The following NAP1L1 variants were observed in gnomAD, a reference collection of about 807,000 sequenced individuals.
NAP1L1 encodes nucleosome assembly protein 1 like 1, also known as nucleosome assembly protein 1-like 1.
A neutral mutation model predicts 58.9 loss-of-function variants in NAP1L1; 9 were observed. That is an observed-to-expected ratio of 0.15 (90% confidence interval 0.09 to 0.27). The LOEUF is 0.27. NAP1L1 is among the 10% of genes least tolerant of loss of function. The pLI is 1.00. For synonymous variants in NAP1L1, 130 were observed against 138.3 expected, an observed-to-expected ratio of 0.94 and a Z score of 0.42; for missense variants, 302 against 458.8, an observed-to-expected ratio of 0.66 and a Z score of 3.12.
intron 1 of NAP1L1, among the ~76,000 whole-genome samples, chr12:76,083,172 C>A (rs1950472591): frequency 6.6e-6 from 1 of 152,098 alleles, no homozygotes. Flanking sequence ...ATCTTTAGGG[C>A]AGTAGGGTTC....
Position 76,040,755 on chromosome 12 carries a change from G to A in NAP1L1, c.*7674C>T, listed in dbSNP as rs953429544. ...GTTTTGTATTTTTAGTAGAGGCAGGGTTTCTCCATATTAGCCAGGCTGGTC... is the reference window on the plus strand; with the variant it reads ...GTTTTGTATTTTTAGTAGAGGCAGGATTTCTCCATATTAGCCAGGCTGGTC... On this transcript the variant is annotated 3_prime_UTR_variant, in exon 15 of 15. Coordinates refer to ENST00000618691, the MANE Select transcript of NAP1L1 (RefSeq NM_004537.7). 1.3e-5 allele frequency: 2 copies of A among 152,228 alleles called. No individual in the cohort carries two copies. Among genetic ancestry groups the A allele is most frequent in the Admixed American group, 1.3e-4 (2 of 15,280 alleles). The allele number at this position is 152,228 out of a possible 1,614,324, so 9.4% of individuals were successfully genotyped here.
At chr12:76,059,282 C>T (rs1463713940) in intron 6 of NAP1L1, among the ~76,000 whole-genome samples, 3 of 152,004 alleles carry the variant, frequency 2.0e-5, no homozygotes, top group Non-Finnish European at 4.4e-5. Context: ...GTGGGGGCAC[C>T]CCAGATACAT....
At chr12:76,061,143 G>A in intron 4 of NAP1L1, 1 of 297,978 alleles carries the variant, frequency 3.4e-6, no homozygotes, top group South Asian at 2.6e-5. Flanking sequence ...ACCATACAAT[G>A]AACTGTGAAG....
chr12:76,067,758 C>A (rs1381975723), intron 3 of NAP1L1, among the ~76,000 whole-genome samples: 1 of 152,176 alleles, frequency 6.6e-6, no homozygotes, highest in African/African-American at 2.4e-5. Context: ...CTGTGTTTCA[C>A]CCACCTTGCA....
chr12:76,048,294 T>C lies in NAP1L1; in HGVS notation c.*135A>G, dbSNP rs1948667746. 3 of 921,808 alleles carry C rather than the reference T, an allele frequency of 3.3e-6. No homozygotes were observed. Among genetic ancestry groups the C allele is most frequent in the Non-Finnish European group, 4.9e-6 (3 of 609,354 alleles). 57.1% of individuals were successfully genotyped at this position (921,808 alleles called of 1,614,324 possible). On this transcript the variant is annotated 3_prime_UTR_variant, in exon 15 of 15. Coordinates refer to ENST00000618691, the MANE Select transcript of NAP1L1 (RefSeq NM_004537.7). ...AGGTAGAACAAATTGGTCTTTAAAA[T>C]ATCAGTTTCCTGTCCTTTAAAAAAA...
At chr12:76,069,619 A>C (rs1174332760) in intron 2 of NAP1L1, among the ~76,000 whole-genome samples, 1 of 152,220 alleles carries the variant, frequency 6.6e-6, no homozygotes, top group East Asian at 1.9e-4. Flanking sequence ...AAAACAGAAG[A>C]GTCCTGGATC....
intron 4 of NAP1L1, among the ~76,000 whole-genome samples, chr12:76,067,070 G>A (rs1949712640): frequency 6.6e-6 from 1 of 152,080 alleles, no homozygotes; most frequent in Admixed American, 6.6e-5. Flanking sequence ...TGTCATCAGT[G>A]AAATAAGAAA....
At chr12:76,074,302 C>G in intron 1 of NAP1L1, 63 bp from the exon 2 acceptor site, 1 of 1,480,172 alleles carries the variant, frequency 6.8e-7, no homozygotes, top group South Asian at 1.4e-5. Context: ...AAATAAGAAA[C>G]CAAAACCCTT....
chr12:76,075,303 C>T (rs1040431087), intron 1 of NAP1L1, among the ~76,000 whole-genome samples: 1 of 151,956 alleles, frequency 6.6e-6, no homozygotes, highest in East Asian at 1.9e-4. Flanking sequence ...ACAGCAAGAC[C>T]CTGTCTCTAA....
At position 76,044,176 on chromosome 12, in the gene NAP1L1, C is replaced by A. The variant is rs916294509; in HGVS notation, c.*4253G>T. ...AATCAGCTGGGCTCAGTGGCACACG[C>A]CTGTAATCCCGACTACTTGGAATGC... On this transcript the variant is annotated 3_prime_UTR_variant, in exon 15 of 15. Transcript: ENST00000618691. The A allele has an allele frequency of 4.6e-5, 7 of 152,274 alleles. No individual in the cohort carries two copies. The highest frequency in any genetic ancestry group is 1.2e-4 in the African/African-American group (5 of 41,434). The allele number at this position is 152,274 out of a possible 1,614,324, so 9.4% of individuals were successfully genotyped here. A position where few individuals can be genotyped will look rare whatever the true frequency, so the allele number is the denominator to read the frequency against.
chr12:76,056,358 C>A, intron 6 of NAP1L1, 197 bp from the exon 7 acceptor site: 1 of 525,450 alleles, frequency 1.9e-6, no homozygotes. Context: ...CCAAAGAGAA[C>A]CACTAAGGTG....
chr12:76,068,781 A>ACACACACACACACAC (rs1384015314), intron 3 of NAP1L1, 128 bp downstream of exon 3: 2 of 441,312 alleles, frequency 4.5e-6, no homozygotes, highest in African/African-American at 6.4e-5. Context: ...CACACACACT[A>ACACACACACACACAC]GAAGTATGGA....
chr12:76,057,839 G>A (rs1949190837), intron 6 of NAP1L1: 1 of 1,529,516 alleles, frequency 6.5e-7, no homozygotes, highest in Non-Finnish European at 8.9e-7. Context: ...AGAGGTGGAA[G>A]GGGTCAAATA....
At chr12:76,052,940 G>A in intron 11 of NAP1L1, 151 bp downstream of exon 11, 3 of 603,912 alleles carry the variant, frequency 5.0e-6, no homozygotes, top group Non-Finnish European at 8.3e-6. Context: ...AATTTTGAAT[G>A]GAATTATTTT....
rs990141079 is a variant in NAP1L1, at chr12:76,068,852, C to T, written c.103+57G>A. The stretch of plus-strand genomic sequence containing the variant: ...AAAAATAGACTGGTACTTATAACTA[C>T]CCTCTAGTAGACATGTGCCAGCAAT... On this transcript the variant is annotated intron_variant, in intron 3 of 14. Coordinates refer to ENST00000618691, the MANE Select transcript of NAP1L1 (RefSeq NM_004537.7). The T allele has an allele frequency of 7.8e-6, 10 of 1,277,882 alleles. No individual in the cohort carries two copies. In the East Asian group the frequency reaches 1.9e-4, roughly 24 times the overall value. The allele number at this position is 1,277,882 out of a possible 1,614,324, so 79.2% of individuals were successfully genotyped here.
intron 6 of NAP1L1, chr12:76,057,688 G>T: frequency 6.7e-7 from 1 of 1,499,230 alleles, no homozygotes; most frequent in Non-Finnish European, 9.1e-7. Context: ...GCCTGATGTT[G>T]CTAAATGTAG....
At chr12:76,070,134 T>G (rs537587938) in intron 2 of NAP1L1, among the ~76,000 whole-genome samples, 2,678 of 140,680 alleles carry the variant, frequency 0.019, 87 homozygotes, top group African/African-American at 0.066. Context: ...TTTTTTTTTT[T>G]GGGAGACAGT....
At chr12:76,063,748 T>C (rs1202493077) in intron 4 of NAP1L1, among the ~76,000 whole-genome samples, 9 of 151,920 alleles carry the variant, frequency 5.9e-5, no homozygotes, top group African/African-American at 1.2e-4. Context: ...TGAGCCGTCA[T>C]TGTGCCATGG....
In NAP1L1 at chr12:76,053,241, T is replaced by C. The variant is rs763527475; in HGVS notation, c.880A>G (p.Asn294Asp). The C allele has an allele frequency of 2.5e-6, 4 of 1,614,026 alleles. No homozygotes were observed. Among genetic ancestry groups the C allele is most frequent in the East Asian group, 2.2e-5 (1 of 44,852 alleles). Residue 294 changes from asparagine to aspartate, a missense_variant, in exon 10 of 15, where the codon AAT becomes GAT. Physicochemically the swap from Asn to Asp is conservative, Grantham distance 23. Transcript: ENST00000618691. ...TVRTVTKTVS[N>D]DSFFNFFAPP... ...GCAAAAAAGTTAAAGAAAGAGTCAT[T>C]GGAAACTGTTTTAGTCACAGTACGA...
Sources: allele counts gnomAD v4.1 joint callset (sites outside exome capture counted in the v4.1 genomes callset), GRCh38; gene constraint gnomAD v4.1.1; transcripts MANE v1.5; gene names NCBI Gene and HGNC (gene_info 2026-07-23, HGNC 2026-07-21).